CDC14A: variants seen among roughly 807,000 people sequenced by gnomAD.
CDC14A encodes the protein cell division cycle 14A.
In CDC14A, 53 loss-of-function variants were observed where a neutral mutation model predicts 74.4. That is an observed-to-expected ratio of 0.71 (90% CI 0.57 to 0.89). The LOEUF is 0.89. CDC14A is among the 40% of genes least tolerant of loss of function. CDC14A has a pLI of 0.00. For synonymous variants in CDC14A, 247 were observed against 258.4 expected, an observed-to-expected ratio of 0.96 and a Z score of 0.43; for missense variants, 646 against 713.7, an observed-to-expected ratio of 0.91 and a Z score of 1.08.
At chr1:100,408,904 G>T (rs1660304572) in intron 4 of CDC14A, among the ~76,000 whole-genome samples, 1 of 152,104 alleles carries the variant, frequency 6.6e-6, no homozygotes, top group African/African-American at 2.4e-5. Flanking sequence ...ACTGTTAACT[G>T]TAGTCATCCT....
At chr1:100,455,824 A>T (rs186149416) in intron 8 of CDC14A, among the ~76,000 whole-genome samples, 270 of 152,334 alleles carry the variant, frequency 1.8e-3, no homozygotes, top group African/African-American at 6.2e-3. Context: ...TCTCAGATTT[A>T]TTTGTTGGTA....
intron 2 of CDC14A, among the ~76,000 whole-genome samples, chr1:100,356,093 TTGCC>T (rs1651849985): frequency 6.6e-6 from 1 of 152,130 alleles, no homozygotes; most frequent in Middle Eastern, 3.2e-3. Flanking sequence ...GTCCTCCAGT[TTGCC>T]TGGTGTGTAT....
Position 100,397,114 on chromosome 1 carries a change from A to G in CDC14A, c.309+6290A>G, listed in dbSNP as rs114039233. 3.0e-3 allele frequency among the ~76,000 whole-genome samples: 461 copies of G among 152,076 alleles called. 2 individuals are homozygous for G. The highest frequency in any genetic ancestry group is 0.011 in the African/African-American group (440 of 41,470). The stretch of plus-strand genomic sequence containing the variant: ...GCCCAAGACAATTCTTCTTCTTCCA[A>G]TGTGGCCCAGGGAAGCTAAATGATT... On this transcript the variant is annotated intron_variant, in intron 4 of 15. Coordinates refer to ENST00000336454, the MANE Select transcript of CDC14A (RefSeq NM_003672.4).
At chr1:100,455,549 T>A (rs1317746584) in intron 8 of CDC14A, 57 bp downstream of exon 8, 1 of 935,812 alleles carries the variant, frequency 1.1e-6, no homozygotes, top group Non-Finnish European at 1.7e-6. Context: ...CTTTCTAAGT[T>A]TCTTAACTTC....
Position 100,518,533 on chromosome 1 carries a change from G to T in CDC14A, c.*253G>T, listed in dbSNP as rs1400009916. 4 of 404,948 alleles carry T rather than the reference G, an allele frequency of 9.9e-6. No homozygotes were observed. In the East Asian group the frequency reaches 1.2e-4, roughly 13 times the overall value. 25.1% of individuals were successfully genotyped at this position (404,948 alleles called of 1,614,324 possible). The stretch of plus-strand genomic sequence containing the variant: ...AAAGACAGTTTTAATGTTGAATTTG[G>T]TATTTTGAAGGGTTATTTTTAATGT... On this transcript the variant is annotated 3_prime_UTR_variant, in exon 16 of 16. Transcript: ENST00000336454.
chr1:100,513,325 T>C (rs1649938562), intron 15 of CDC14A, among the ~76,000 whole-genome samples: 1 of 152,200 alleles, frequency 6.6e-6, no homozygotes. Context: ...TTCAATCACA[T>C]TAAAACAAAC....
intron 2 of CDC14A, among the ~76,000 whole-genome samples, chr1:100,373,774 T>G (rs1201626160): frequency 6.6e-6 from 1 of 151,552 alleles, no homozygotes; most frequent in Non-Finnish European, 1.5e-5. Context: ...GAACTTTTAT[T>G]TCAAATCACT....
chr1:100,477,222 G>A (rs571762124), intron 10 of CDC14A, among the ~76,000 whole-genome samples: 1 of 152,232 alleles, frequency 6.6e-6, no homozygotes, highest in African/African-American at 2.4e-5. Context: ...CACATTTACG[G>A]TAATGCTTTA....
At chr1:100,396,783 G>T (rs1658557886) in intron 4 of CDC14A, among the ~76,000 whole-genome samples, 1 of 152,114 alleles carries the variant, frequency 6.6e-6, no homozygotes, top group Non-Finnish European at 1.5e-5. Context: ...AAACACCATG[G>T]CTTACTTTTG....
chr1:100,440,001 A>G lies in CDC14A; in HGVS notation c.456+3A>G. The stretch of plus-strand genomic sequence containing the variant: ...ACTGTTTGCAGGGAATCAGAAAGGT[A>G]ATAACAATTCTCCTTGCTGTAGTTG... On this transcript the variant is annotated splice_donor_region_variant and intron_variant, in intron 6 of 15. Transcript: ENST00000336454. 6.2e-7 allele frequency: 1 copy of G among 1,606,990 alleles called. No homozygotes were observed. The highest frequency in any genetic ancestry group is 1.7e-5 in the Admixed American group (1 of 60,002).
intron 11 of CDC14A, among the ~76,000 whole-genome samples, chr1:100,487,664 G>C (rs1461336946): frequency 6.6e-6 from 1 of 152,204 alleles, no homozygotes. Context: ...AATGTTGCAG[G>C]TCATAGTGAT....
At chr1:100,419,030 C>T (rs901678903) in intron 4 of CDC14A, among the ~76,000 whole-genome samples, 1 of 151,968 alleles carries the variant, frequency 6.6e-6, no homozygotes, top group Non-Finnish European at 1.5e-5. Flanking sequence ...ACGAAAAATA[C>T]AAAAAAGTAG....
intron 4 of CDC14A, among the ~76,000 whole-genome samples, chr1:100,391,618 G>A (rs868421791): frequency 2.0e-5 from 3 of 152,132 alleles, no homozygotes; most frequent in Admixed American, 6.5e-5. Flanking sequence ...GGGAGGGCTC[G>A]TGCTCCTCTG....
At chr1:100,484,586 G>T in intron 11 of CDC14A, 135 bp downstream of exon 11, 1 of 1,286,800 alleles carries the variant, frequency 7.8e-7, no homozygotes, top group Non-Finnish European at 9.9e-7. Flanking sequence ...AGAGCCATCC[G>T]TCTATATAGC....
At chr1:100,498,664 A>G (rs1648242066) in intron 14 of CDC14A, among the ~76,000 whole-genome samples, 1 of 152,140 alleles carries the variant, frequency 6.6e-6, no homozygotes, top group African/African-American at 2.4e-5. Context: ...TTCTATTTCA[A>G]GATCTGTAGT....
chr1:100,518,153 C>A, intron 15 of CDC14A, 98 bp from the exon 16 acceptor site: 1 of 866,486 alleles, frequency 1.2e-6, no homozygotes, highest in Non-Finnish European at 1.9e-6. Flanking sequence ...TTTCATTGAT[C>A]TCTAAGCTGT....
intron 4 of CDC14A, among the ~76,000 whole-genome samples, chr1:100,392,557 A>T (rs144896987): frequency 6.6e-6 from 1 of 152,172 alleles, no homozygotes; most frequent in African/African-American, 2.4e-5. Flanking sequence ...TAAGCTTGAT[A>T]TAGCAGTTAT....
At chr1:100,376,650 G>A (rs77061436) in intron 2 of CDC14A, among the ~76,000 whole-genome samples, 92 of 152,256 alleles carry the variant, frequency 6.0e-4, no homozygotes, top group African/African-American at 2.1e-3. Context: ...CCATAGGGTC[G>A]TCAGTTAAAT....
chr1:100,412,753 T>TATATATATATA (rs1491488725), intron 4 of CDC14A, among the ~76,000 whole-genome samples: 1 of 104,756 alleles, frequency 9.5e-6, no homozygotes, highest in African/African-American at 5.8e-5. Context: ...TATATATATA[T>TATATATATATA]TTTATATATA....
Sources: allele counts gnomAD v4.1 joint callset (sites outside exome capture counted in the v4.1 genomes callset), GRCh38; gene constraint gnomAD v4.1.1; transcripts MANE v1.5; gene names NCBI Gene and HGNC (gene_info 2026-07-23, HGNC 2026-07-21).